The following AMPH variants were observed in gnomAD, a reference collection of about 807,000 sequenced individuals.
AMPH encodes the protein amphiphysin (Stiff-Mann syndrome with breast cancer 128kD autoantigen).
A neutral mutation model predicts 99.1 loss-of-function variants in AMPH; 49 were observed. That is an observed-to-expected ratio of 0.49 (90% CI 0.39 to 0.63). AMPH has a LOEUF of 0.63. Among genes scored for constraint, AMPH ranks in the 20% least tolerant of loss-of-function variants. The pLI, the probability that AMPH is intolerant of heterozygous loss-of-function variation, is 0.00. For synonymous variants in AMPH, 314 were observed against 317.3 expected, an observed-to-expected ratio of 0.99 and a Z score of 0.11; for missense variants, 759 against 863.4, an observed-to-expected ratio of 0.88 and a Z score of 1.52.
chr7:38,560,111 G>C (rs1009976713), intron 1 of AMPH, among the ~76,000 whole-genome samples: 6 of 152,222 alleles, frequency 3.9e-5, no homozygotes, highest in African/African-American at 1.4e-4. Flanking sequence ...AAGAGGTGAA[G>C]GCTATCTCTC....
At chr7:38,475,859 T>C (rs1001424105) in intron 6 of AMPH, among the ~76,000 whole-genome samples, 2 of 152,196 alleles carry the variant, frequency 1.3e-5, no homozygotes, top group African/African-American at 2.4e-5. Context: ...ATTTTTTAAC[T>C]GAATCCTAAA....
At chr7:38,557,466 G>T (rs570141145) in intron 1 of AMPH, among the ~76,000 whole-genome samples, 11 of 152,248 alleles carry the variant, frequency 7.2e-5, no homozygotes, top group African/African-American at 2.4e-4. Flanking sequence ...TTGTATAAGG[G>T]GCTTTCCCCT....
intron 17 of AMPH, among the ~76,000 whole-genome samples, chr7:38,412,803 G>A (rs1322997182): frequency 1.3e-5 from 2 of 152,198 alleles, no homozygotes; most frequent in East Asian, 3.8e-4. Flanking sequence ...CCAGTTCTCT[G>A]AATACTCACA....
chr7:38,618,240 C>T (rs534247019), intron 1 of AMPH, among the ~76,000 whole-genome samples: 11 of 151,934 alleles, frequency 7.2e-5, no homozygotes, highest in South Asian at 4.2e-4. Flanking sequence ...AGGCCAGGCG[C>T]GGTGGCTCAC....
chr7:38,450,608 C>T (rs1255465526), intron 11 of AMPH, among the ~76,000 whole-genome samples: 1 of 152,188 alleles, frequency 6.6e-6, no homozygotes, highest in Non-Finnish European at 1.5e-5. Flanking sequence ...GGCTCCTATC[C>T]ACAAAGGTGT....
chr7:38,542,864 G>A (rs1374932618), intron 1 of AMPH, among the ~76,000 whole-genome samples: 1 of 152,114 alleles, frequency 6.6e-6, no homozygotes, highest in African/African-American at 2.4e-5. Flanking sequence ...GGGAGGCTGA[G>A]GCAGGCGGAT....
intron 14 of AMPH, 79 bp from the exon 15 acceptor site, chr7:38,427,065 G>T: frequency 2.3e-6 from 3 of 1,310,838 alleles, no homozygotes; most frequent in Non-Finnish European, 1.1e-6. Flanking sequence ...CATTAGACAA[G>T]TTGGAAAGTA....
intron 2 of AMPH, among the ~76,000 whole-genome samples, chr7:38,505,479 C>T (rs1226883659): frequency 1.3e-5 from 2 of 152,138 alleles, no homozygotes; most frequent in Non-Finnish European, 2.9e-5. Context: ...AATCAAAGTG[C>T]TAAACAATTG....
At chr7:38,435,598 C>T (rs1220567776) in intron 12 of AMPH, among the ~76,000 whole-genome samples, 2 of 152,138 alleles carry the variant, frequency 1.3e-5, no homozygotes, top group African/African-American at 4.8e-5. Context: ...TTCAGAGGAC[C>T]TACCCACAGG....
At chr7:38,486,709 G>A (rs1788510456) in intron 5 of AMPH, among the ~76,000 whole-genome samples, 1 of 152,000 alleles carries the variant, frequency 6.6e-6, no homozygotes, top group African/African-American at 2.4e-5. Flanking sequence ...TTCGACAGCA[G>A]ATCAAAAGGA....
chr7:38,579,072 G>A (rs1792350816), intron 1 of AMPH, among the ~76,000 whole-genome samples: 1 of 152,198 alleles, frequency 6.6e-6, no homozygotes, highest in African/African-American at 2.4e-5. Context: ...CAAAGCCCCT[G>A]AAAGGGTCTT....
At chr7:38,503,536 T>A (rs959698039) in intron 3 of AMPH, 114 bp downstream of exon 3, 24 of 853,680 alleles carry the variant, frequency 2.8e-5, no homozygotes, top group African/African-American at 1.3e-4. Flanking sequence ...TGTTCAAGCA[T>A]CCATCTTGCC....
In AMPH at chr7:38,530,462, G is replaced by A. The variant is rs537373484; in HGVS notation, c.150+4469C>T. ...TGAGGGAATGGAAGCCTATGGAGAT[G>A]CTAGAAGGAGAACCAAGGCTCTCTC... On this transcript the variant is annotated intron_variant, in intron 2 of 20. Coordinates refer to ENST00000356264, the MANE Select transcript of AMPH (RefSeq NM_001635.4). 3.5e-4 allele frequency among the ~76,000 whole-genome samples: 53 copies of A among 152,332 alleles called. No homozygotes were observed. The South Asian group carries it at 7.9e-3, about 23-fold the overall frequency.
In AMPH at chr7:38,416,102, A is replaced by AATATATATATAT. The variant is rs5883648; in HGVS notation, c.1398+1711_1398+1722dup. 3.5e-3 allele frequency among the ~76,000 whole-genome samples: 349 copies of AATATATATATAT among 100,474 alleles called. 21 individuals carry two copies. The highest frequency in any genetic ancestry group is 0.011 in the African/African-American group (312 of 27,844). 65.9% of individuals were successfully genotyped at this position (100,474 alleles called of 152,430 possible). On this transcript the variant is annotated intron_variant, in intron 17 of 20. Transcript: ENST00000356264. ...AGTTTAAACAATGATCAAACATATG[A>AATATATATATAT]ATATATATATATATATATATATATT...
intron 12 of AMPH, among the ~76,000 whole-genome samples, chr7:38,433,673 C>A (rs1054470291): frequency 1.2e-5 from 1 of 81,756 alleles, no homozygotes; most frequent in Non-Finnish European, 2.3e-5. Context: ...TGCAGTGAGC[C>A]GAGATCCTGC....
At chr7:38,534,612 G>A (rs1361262252) in intron 2 of AMPH, among the ~76,000 whole-genome samples, 1 of 152,148 alleles carries the variant, frequency 6.6e-6, no homozygotes, top group Non-Finnish European at 1.5e-5. Context: ...GGATGTTGAG[G>A]CTGAAGTGAG....
At chr7:38,399,498 A>T (rs964738425) in intron 17 of AMPH, among the ~76,000 whole-genome samples, 2 of 152,260 alleles carry the variant, frequency 1.3e-5, no homozygotes, top group African/African-American at 4.8e-5. Context: ...TTAGCTGTAG[A>T]TAAAATCAAG....
At chr7:38,454,305 T>C (rs1787146698) in intron 11 of AMPH, among the ~76,000 whole-genome samples, 1 of 152,240 alleles carries the variant, frequency 6.6e-6, no homozygotes. Flanking sequence ...ATTAATATGA[T>C]GTGATTATAA....
At chr7:38,528,525 T>C (rs1263048762) in intron 2 of AMPH, among the ~76,000 whole-genome samples, 1 of 152,186 alleles carries the variant, frequency 6.6e-6, no homozygotes, top group Non-Finnish European at 1.5e-5. Flanking sequence ...ATAAAGTTGC[T>C]TGTATTATTC....
Sources: allele counts gnomAD v4.1 joint callset (sites outside exome capture counted in the v4.1 genomes callset), GRCh38; gene constraint gnomAD v4.1.1; transcripts MANE v1.5; gene names NCBI Gene and HGNC (gene_info 2026-07-23, HGNC 2026-07-21).